The following ADI1 variants were observed in gnomAD, a reference collection of about 807,000 sequenced individuals.
The protein encoded by ADI1 is acireductone dioxygenase 1.
In ADI1, 21 loss-of-function variants were observed where a neutral mutation model predicts 18.7. The ratio of observed to expected loss-of-function variants is 1.13; its 90% CI spans 0.80 to 1.62. The LOEUF (loss-of-function observed/expected upper bound fraction) is 1.62. Among genes scored for constraint, ADI1 ranks in the 40% most tolerant of loss-of-function variants. The pLI is 0.00. For synonymous variants in ADI1, 90 were observed against 100.1 expected (o/e 0.90, Z 0.60); for missense variants, 245 against 254.9 (o/e 0.96, Z 0.26).
chr2:3,505,709 G>A (rs934850018), intron 2 of ADI1, among the ~76,000 whole-genome samples: 5 of 152,172 alleles, frequency 3.3e-5, no homozygotes, highest in African/African-American at 1.2e-4. Flanking sequence ...CCATGTTATG[G>A]ACTGAATACT....
chr2:3,500,461 C>A, intron 3 of ADI1: 1 of 410,400 alleles, frequency 2.4e-6, no homozygotes, highest in South Asian at 3.5e-5. Flanking sequence ...GCTGGGGTGA[C>A]AACCCTAGAG....
chr2:3,512,913 A>G (rs747767715), intron 2 of ADI1, among the ~76,000 whole-genome samples: 7 of 152,242 alleles, frequency 4.6e-5, no homozygotes, highest in Admixed American at 3.3e-4. Flanking sequence ...CAACCTCAGG[A>G]GCCCCTGCAA....
At position 3,500,997 on chromosome 2, in the gene ADI1, G is replaced by C. The variant is rs878939920; in HGVS notation, c.241-4C>G. 8.2e-6 allele frequency: 13 copies of C among 1,592,334 alleles called. No homozygotes were observed. Among genetic ancestry groups the C allele is most frequent in the Non-Finnish European group, 9.4e-6 (11 of 1,167,974 alleles). ...GCTCCTCGTAGAACATCTTAATCTA[G>C]TGCAGAAGGAACATTCCTGTGAGTC... On this transcript the variant is annotated splice_region_variant and splice_polypyrimidine_tract_variant and intron_variant, in intron 2 of 3. Transcript: ENST00000327435.
At chr2:3,516,474 C>CAAAAAAAA (rs140151431) in intron 1 of ADI1, 1 of 73,868 alleles carries the variant, frequency 1.4e-5, no homozygotes, top group African/African-American at 5.6e-5. Context: ...GGCTCCATCT[C>CAAAAAAAA]AAAAAAAAAA....
chr2:3,516,948 A>C, intron 1 of ADI1: 1 of 985,160 alleles, frequency 1.0e-6, no homozygotes, highest in Non-Finnish European at 1.2e-6. Context: ...TGAGGTCTCA[A>C]ACTTCTGGCT....
chr2:3,516,002 T>C (rs1424706754), intron 1 of ADI1: 1 of 985,186 alleles, frequency 1.0e-6, no homozygotes, highest in East Asian at 1.1e-4. Flanking sequence ...TACTATTTGC[T>C]ATGGTCTGAA....
Position 3,500,852 on chromosome 2 carries a change from G to T in ADI1, c.382C>A (p.Pro128Thr). 1 of 1,614,188 alleles carries T rather than the reference G, an allele frequency of 6.2e-7. No homozygotes were observed. Among genetic ancestry groups the T allele is most frequent in the Non-Finnish European group, 8.5e-7 (1 of 1,180,022 alleles). Residue 128 changes from proline to threonine, a missense_variant, in exon 3 of 4, where the codon CCC becomes ACC. Transcript: ENST00000327435. ...FMEKGDMVTL[P>T]AGIYHRFTVD... ...GTGAAGCGGTGATAGATCCCCGCGG[G>T]GAGCGTCACCATGTCTCCCTTCTCC...
chr2:3,519,336 C>G (rs1286415884), intron 1 of ADI1, 32 bp downstream of exon 1: 3 of 1,390,130 alleles, frequency 2.2e-6, no homozygotes, highest in Non-Finnish European at 2.8e-6. Flanking sequence ...TCGGCGTCGC[C>G]CGCACGCTCT....
At chr2:3,515,859 T>C (rs1425256304) in intron 1 of ADI1, 2 of 971,014 alleles carry the variant, frequency 2.1e-6, no homozygotes, top group Non-Finnish European at 2.4e-6. Flanking sequence ...TTATGGAAAA[T>C]GGAACCTATG....
At chr2:3,500,512 C>T (rs1305407839) in intron 3 of ADI1, 3 of 316,724 alleles carry the variant, frequency 9.5e-6, no homozygotes, top group South Asian at 6.1e-5. Context: ...GGGCCAGGCT[C>T]GTGGGTGTGT....
chr2:3,504,012 C>G (rs752618777), intron 2 of ADI1, among the ~76,000 whole-genome samples: 3 of 152,080 alleles, frequency 2.0e-5, no homozygotes, highest in Non-Finnish European at 2.9e-5. Flanking sequence ...TCACGACTTA[C>G]GAAAAACGTT....
At position 3,515,967 on chromosome 2, in the gene ADI1, C is replaced by G. The variant is rs1572240225; in HGVS notation, c.121-1991G>C. On this transcript the variant is annotated intron_variant, in intron 1 of 3. Coordinates refer to ENST00000327435, the MANE Select transcript of ADI1 (RefSeq NM_018269.4). ...CTACAAAGTTGACTCTAAAACTTAG[C>G]CTATCCACTGCATGATATGCACAGT... 40 of 985,420 alleles carry G rather than the reference C, an allele frequency of 4.1e-5. 1 individual carries two copies. In the South Asian group the frequency reaches 1.6e-3, roughly 39 times the overall value. The allele number at this position is 985,420 out of a possible 1,614,324, so 61.0% of individuals were successfully genotyped here.
chr2:3,501,963 A>G (rs954872806), intron 2 of ADI1, among the ~76,000 whole-genome samples: 1 of 151,704 alleles, frequency 6.6e-6, no homozygotes. Flanking sequence ...TTATAATCTG[A>G]TTCTGCCTGC....
At chr2:3,512,642 A>C (rs959491748) in intron 2 of ADI1, among the ~76,000 whole-genome samples, 2 of 152,212 alleles carry the variant, frequency 1.3e-5, no homozygotes, top group African/African-American at 4.8e-5. Context: ...CTCCACCTAG[A>C]TTTCAGAGAA....
intron 3 of ADI1, chr2:3,500,475 C>T: frequency 2.2e-6 from 1 of 455,866 alleles, no homozygotes; most frequent in South Asian, 2.8e-5. Context: ...CCTAGAGATG[C>T]CTCACCGCCA....
chr2:3,514,461 GC>G (rs981431972), intron 1 of ADI1, among the ~76,000 whole-genome samples: 12 of 152,060 alleles, frequency 7.9e-5, no homozygotes, highest in Non-Finnish European at 1.5e-4. Flanking sequence ...CTATCATCTG[GC>G]CCCAGCTGAC....
At chr2:3,507,586 T>C (rs1216028947) in intron 2 of ADI1, among the ~76,000 whole-genome samples, 2 of 152,100 alleles carry the variant, frequency 1.3e-5, no homozygotes, top group Non-Finnish European at 2.9e-5. Context: ...ATAAAGACTT[T>C]CTCAGACAAA....
At position 3,519,358 on chromosome 2, in the gene ADI1, G is replaced by A; in HGVS notation, c.120+10C>T. The A allele has an allele frequency of 7.0e-7, 1 of 1,424,932 alleles. No individual in the cohort carries two copies. The highest frequency in any genetic ancestry group is 9.1e-7 in the Non-Finnish European group (1 of 1,095,468). 88.3% of individuals were successfully genotyped at this position (1,424,932 alleles called of 1,614,324 possible). On this transcript the variant is annotated intron_variant, in intron 1 of 3. Transcript: ENST00000327435. ...CGCCCGCACGCTCTGCGAGGCTTGG[G>A]CTCGCGTACCTTCCAGTAGAGCACC...
In ADI1 at chr2:3,500,949, G is replaced by A. The variant is rs113994653; in HGVS notation, c.285C>T (p.Ile95=). 7.4e-5 allele frequency: 119 copies of A among 1,613,578 alleles called. No individual in the cohort carries two copies. The African/African-American group carries it at 8.8e-4, about 12-fold the overall frequency. Residue 95 remains isoleucine, a synonymous_variant, in exon 3 of 4, where the codon ATC becomes ATT. Transcript: ENST00000327435. ...ACCCACTGCCATCCAGGATGTAGCG[G>A]ATCTCATCGTCCAAGTGCAAATGCT... The part of the protein sequence containing the change: ...YEEHLHLDDE[I]RYILDGSGYF...
Sources: allele counts gnomAD v4.1 joint callset (sites outside exome capture counted in the v4.1 genomes callset), GRCh38; gene constraint gnomAD v4.1.1; transcripts MANE v1.5; gene names NCBI Gene and HGNC (gene_info 2026-07-23, HGNC 2026-07-21).